The following IFFO1 variants were observed in gnomAD, a reference collection of about 807,000 sequenced individuals.
The protein encoded by IFFO1 is non-homologous end joining factor IFFO1.
In IFFO1, 42 loss-of-function variants were observed where a neutral mutation model predicts 59.6. That is an observed-to-expected ratio of 0.70 (90% confidence interval 0.55 to 0.91). IFFO1 has a LOEUF of 0.91. Ranked by LOEUF, IFFO1 falls within the 40% of genes least tolerant of loss-of-function variation. The pLI, the probability that IFFO1 is intolerant of heterozygous loss-of-function variation, is 0.00. For synonymous variants in IFFO1, 336 were observed against 342.8 expected (o/e 0.98, Z 0.22); for missense variants, 711 against 793.2 (o/e 0.90, Z 1.24).
chr12:6,551,773 G>T, intron 1 of IFFO1: 1 of 329,242 alleles, frequency 3.0e-6, no homozygotes, highest in South Asian at 2.5e-5. Context: ...ATGAGAACTA[G>T]ACACAGCCTG....
intron 8 of IFFO1, among the ~76,000 whole-genome samples, chr12:6,546,834 A>G (rs990097592): frequency 2.6e-5 from 4 of 152,144 alleles, no homozygotes. Flanking sequence ...GTTTGAGCTA[A>G]AGCACCAGCT....
intron 8 of IFFO1, among the ~76,000 whole-genome samples, chr12:6,546,848 C>T (rs945969204): frequency 9.2e-5 from 14 of 152,294 alleles, no homozygotes; most frequent in African/African-American, 2.9e-4. Flanking sequence ...ACCAGCTCCA[C>T]TTGCCTCTAG....
At chr12:6,540,641 GGA>G (rs1946665681) in intron 9 of IFFO1, 53 bp from the exon 10 acceptor site, 1 of 1,436,796 alleles carries the variant, frequency 7.0e-7, no homozygotes, top group African/African-American at 1.4e-5. Context: ...TCCTGAAGAC[GGA>G]CGGCACTCCT....
At chr12:6,550,818 G>A (rs1158371634) in intron 2 of IFFO1, 28 bp from the exon 3 acceptor site, 1 of 1,609,534 alleles carries the variant, frequency 6.2e-7, no homozygotes, top group Admixed American at 1.7e-5. Flanking sequence ...CCTGATGTTG[G>A]TGGCACTGCC....
Position 6,555,718 on chromosome 12 carries a change from TTGCTTC to T in IFFO1, c.306_311del (p.Lys103_Gln104del). 1 of 1,612,574 alleles carries T rather than the reference TTGCTTC, an allele frequency of 6.2e-7. No individual in the cohort carries two copies. The highest frequency in any genetic ancestry group is 8.5e-7 in the Non-Finnish European group (1 of 1,179,344). On this transcript the variant is annotated inframe_deletion, in exon 1 of 10. Transcript: ENST00000619571. This position sits in a 1 kb window ranked among gnomAD's most constrained non-coding sequence, Gnocchi z 8.6. ...TACCCTCCTCCAGCGCTTGCTGCAG[TTGCTTC>T]TCCAACAGCCGGTTCCGGCGCTCCA...
chr12:6,553,789 G>A (rs1947331117), intron 1 of IFFO1, among the ~76,000 whole-genome samples: 1 of 152,042 alleles, frequency 6.6e-6, no homozygotes, highest in African/African-American at 2.4e-5. Context: ...TAAGTCAAGG[G>A]TCTGTAGTCA....
At position 6,555,242 on chromosome 12, in the gene IFFO1, T is replaced by C; in HGVS notation, c.773+15A>G. On this transcript the variant is annotated intron_variant, in intron 1 of 9. Coordinates refer to ENST00000619571, the MANE Select transcript of IFFO1 (RefSeq NM_001193457.2). This position sits in a 1 kb window ranked among gnomAD's most constrained non-coding sequence, Gnocchi z 8.6. ...TATGACACAGAGAGACCTGTCCCCC[T>C]TTCCCAATCCCTACCTCCGCTTGTA... 1 of 1,613,572 alleles carries C rather than the reference T, an allele frequency of 6.2e-7. No homozygotes were observed. The highest frequency in any genetic ancestry group is 1.1e-5 in the South Asian group (1 of 91,058).
chr12:6,555,461 C>A lies in IFFO1; in HGVS notation c.569G>T (p.Arg190Leu), dbSNP rs770067570. The change falls in exon 1 of 10, where the codon CGC becomes CTC. Residue 190 changes from arginine to leucine, a missense_variant. Around this residue, in one of 3 missense-constraint regions of IFFO1, gnomAD observed 579 missense variants for 650.3 expected, o/e 0.89. Coordinates refer to ENST00000619571, the MANE Select transcript of IFFO1 (RefSeq NM_001193457.2). The surrounding 1 kb of genome is among the most constrained non-coding windows in gnomAD (Gnocchi z 8.6). The stretch of plus-strand genomic sequence containing the variant: ...CGACCAGATGGTGCCGGGCATGAAG[C>A]GGGCCGACGAGGAATAGGTGGTGGA... ...STSTTYSSSA[R>L]FMPGTIWSFS... The A allele has an allele frequency of 7.4e-6, 12 of 1,613,236 alleles. No individual in the cohort carries two copies. Among genetic ancestry groups the A allele is most frequent in the Non-Finnish European group, 1.0e-5 (12 of 1,179,666 alleles).
Position 6,548,957 on chromosome 12 carries a change from CAGAG to C in IFFO1, c.1081-112_1081-109del, listed in dbSNP as rs1947107220. ...TGAACCAGTAGGAAGGGGGGGCAGA[CAGAG>C]AGAAAAGTCACAGTTACAATGACAG... On this transcript the variant is annotated intron_variant, in intron 5 of 9. Transcript: ENST00000619571. The surrounding 1 kb of genome is among the most constrained non-coding windows in gnomAD (Gnocchi z 6.1). 1.8e-5 allele frequency: 16 copies of C among 914,278 alleles called. No homozygotes were observed. The highest frequency in any genetic ancestry group is 3.3e-5 in the South Asian group (2 of 59,936). 56.6% of individuals were successfully genotyped at this position (914,278 alleles called of 1,614,324 possible).
Position 6,541,978 on chromosome 12 carries a change from A to G in IFFO1, c.1480-336T>C, listed in dbSNP as rs1271027773. Among the ~76,000 whole-genome samples, 1 of 152,152 alleles carries G rather than the reference A, an allele frequency of 6.6e-6. No homozygotes were observed. Among genetic ancestry groups the G allele is most frequent in the Non-Finnish European group, 1.5e-5 (1 of 68,014 alleles). ...GGCTCCCAGGGCCACACAGGTTCCT[A>G]TGGGGCCCGGCTCACCCCTCATCCC... On this transcript the variant is annotated intron_variant, in intron 8 of 9. Coordinates refer to ENST00000619571, the MANE Select transcript of IFFO1 (RefSeq NM_001193457.2). The surrounding 1 kb of genome is among the most constrained non-coding windows in gnomAD (Gnocchi z 4.8).
chr12:6,540,821 T>C (rs976367102), intron 9 of IFFO1, among the ~76,000 whole-genome samples: 1 of 152,182 alleles, frequency 6.6e-6, no homozygotes, highest in African/African-American at 2.4e-5. Flanking sequence ...TCAGGCATGA[T>C]GGCTCACGCC....
At position 6,539,583 on chromosome 12, in the gene IFFO1, G is replaced by A. The variant is rs952537896; in HGVS notation, c.*900C>T. ...TATTAAAGAATCCATTTGAATGTCA[G>A]CTCAACACAGCCTCCTATACCGAGG... On this transcript the variant is annotated 3_prime_UTR_variant, in exon 10 of 10. Coordinates refer to ENST00000619571, the MANE Select transcript of IFFO1 (RefSeq NM_001193457.2). The A allele has an allele frequency of 6.6e-6, 1 of 152,170 alleles. No homozygotes were observed. Among genetic ancestry groups the A allele is most frequent in the Non-Finnish European group, 1.5e-5 (1 of 68,032 alleles). The allele number at this position is 152,170 out of a possible 1,614,324, so 9.4% of individuals were successfully genotyped here. A position where few individuals can be genotyped will look rare whatever the true frequency, so the allele number is the denominator to read the frequency against.
In IFFO1 at chr12:6,548,753, C is replaced by G. The variant is rs768169666; in HGVS notation, c.1177G>C (p.Glu393Gln). ...TCCCCATCGGGCTGGCGGGGCCCCT[C>G]ACTCTCCGACAGGGAGGTGTCCTCC... is the stretch of plus-strand genomic sequence containing the variant. ...VEEDTSLSESEGPRQPDGDEE... is the reference protein window; with the variant it reads ...VEEDTSLSESQGPRQPDGDEE... The change falls in exon 6 of 10, where the codon GAG becomes CAG. Residue 393 changes from glutamate (E) to glutamine (Q), a missense_variant. By Grantham distance (29) the Glu-to-Gln change is conservative. Around this residue, in one of 3 missense-constraint regions of IFFO1, gnomAD observed 579 missense variants for 650.3 expected, o/e 0.89. Transcript: ENST00000619571. This position sits in a 1 kb window ranked among gnomAD's most constrained non-coding sequence, Gnocchi z 6.1. 1 of 1,614,068 alleles carries G rather than the reference C, an allele frequency of 6.2e-7. No individual in the cohort carries two copies. The highest frequency in any genetic ancestry group is 8.5e-7 in the Non-Finnish European group (1 of 1,180,022).
rs760703492 is a variant in IFFO1 at position 6,549,912 on chromosome 12, A to AG, written c.931-17dup. ...CCGACAGGTTCTGTCCAGGGAGCCC[A>AG]GGGAACAGTGAGGAGGCGCCCAGTT... On this transcript the variant is annotated splice_polypyrimidine_tract_variant and intron_variant, in intron 3 of 9. Transcript: ENST00000619571. This position sits in a 1 kb window ranked among gnomAD's most constrained non-coding sequence, Gnocchi z 5.0. The AG allele has an allele frequency of 4.3e-6, 7 of 1,610,400 alleles. No individual in the cohort carries two copies. The highest frequency in any genetic ancestry group is 1.7e-5 in the Admixed American group (1 of 59,870).
chr12:6,554,288 G>A (rs1947348881), intron 1 of IFFO1, among the ~76,000 whole-genome samples: 1 of 152,136 alleles, frequency 6.6e-6, no homozygotes, highest in Non-Finnish European at 1.5e-5. Flanking sequence ...AGATGAGAGG[G>A]GAGGCCGCCA....
At chr12:6,553,203 G>A (rs1474743455) in intron 1 of IFFO1, among the ~76,000 whole-genome samples, 2 of 152,144 alleles carry the variant, frequency 1.3e-5, no homozygotes, top group East Asian at 1.9e-4. Context: ...CCAGTATCAC[G>A]CACCATCCGA....
Position 6,548,318 on chromosome 12 carries a change from G to T in IFFO1, c.1383+107C>A. The T allele has an allele frequency of 2.2e-6, 3 of 1,391,142 alleles. No homozygotes were observed. The highest frequency in any genetic ancestry group is 1.3e-5 in the South Asian group (1 of 79,778). 86.2% of individuals were successfully genotyped at this position (1,391,142 alleles called of 1,614,324 possible). ...TAAAGGAAGAGGGGAGACGCAGGTA[G>T]AGGATGACAGCCACATGGGGGGACA... On this transcript the variant is annotated intron_variant, in intron 7 of 9. Transcript: ENST00000619571. This position sits in a 1 kb window ranked among gnomAD's most constrained non-coding sequence, Gnocchi z 6.1.
At chr12:6,547,542 A>C (rs10735060) in intron 8 of IFFO1, among the ~76,000 whole-genome samples, 118,393 of 151,988 alleles carry the variant, frequency 0.78, 46,965 homozygotes, top group African/African-American at 0.94. Context: ...ACAGGGAGAC[A>C]CCATCTCTAC....
In IFFO1 at chr12:6,548,041, C is replaced by T. The variant is rs201408271; in HGVS notation, c.1479+24G>A. 1.9e-6 allele frequency: 3 copies of T among 1,585,524 alleles called. No homozygotes were observed. The highest frequency in any genetic ancestry group is 1.1e-5 in the South Asian group (1 of 90,456). On this transcript the variant is annotated intron_variant, in intron 8 of 9. Transcript: ENST00000619571. The surrounding 1 kb of genome is among the most constrained non-coding windows in gnomAD (Gnocchi z 6.1). ...TCAAAACCCTCTGGGACACCACGCC[C>T]CTGGCTTCCGCTCCTGCCCTTACCT...
Sources: gnomAD v4.1 joint callset for allele counts (sites outside exome capture counted in the v4.1 genomes callset) on GRCh38, gnomAD v4.1.1 for gene constraint, gnomAD v4.1.1 regional missense constraint, Gnocchi (gnomAD v3.1) non-coding constraint, MANE v1.5 for transcripts, NCBI Gene and HGNC (gene_info 2026-07-23, HGNC 2026-07-21) for gene names.